XPR1: variants seen among roughly 807,000 people sequenced by gnomAD.
XPR1 encodes the protein solute carrier family 53 member 1.
A neutral mutation model predicts 87.5 loss-of-function variants in XPR1; 28 were observed. The observed-to-expected ratio is 0.32, with a 90% CI of 0.24 to 0.44. The LOEUF is 0.44. XPR1 is among the 20% of genes least tolerant of loss of function. The probability of loss-of-function intolerance (pLI) is 1.00; values close to 1 mark genes in which losing one functional copy is unlikely to be tolerated. For missense variants in XPR1, 559 were observed against 862.3 expected (o/e 0.65, Z 4.41); for synonymous variants, 300 against 306.1 (o/e 0.98, Z 0.21).
intron 11 of XPR1, among the ~76,000 whole-genome samples, chr1:180,855,915 G>A (rs1652013850): frequency 6.6e-6 from 1 of 152,098 alleles, no homozygotes; most frequent in Non-Finnish European, 1.5e-5. Flanking sequence ...CCTGTGCACT[G>A]CTCTCATTTC....
At chr1:180,681,754 G>A (rs1656584671) in intron 1 of XPR1, among the ~76,000 whole-genome samples, 2 of 152,046 alleles carry the variant, frequency 1.3e-5, no homozygotes, top group Admixed American at 6.5e-5. Context: ...TGCAACTTCC[G>A]CCTCCTGGGT....
chr1:180,749,410 T>C (rs757392691), intron 2 of XPR1, among the ~76,000 whole-genome samples: 3 of 152,164 alleles, frequency 2.0e-5, no homozygotes, highest in Non-Finnish European at 2.9e-5. Flanking sequence ...TTCACTTTCT[T>C]CTTTTTTTAA....
intron 7 of XPR1, among the ~76,000 whole-genome samples, chr1:180,822,497 T>G (rs752006236): frequency 6.6e-6 from 1 of 152,226 alleles, no homozygotes; most frequent in Non-Finnish European, 1.5e-5. Context: ...TCTGACTTTA[T>G]GCAGAACAGA....
chr1:180,779,715 G>A (rs1478567137), intron 2 of XPR1, among the ~76,000 whole-genome samples: 1 of 151,840 alleles, frequency 6.6e-6, no homozygotes, highest in Non-Finnish European at 1.5e-5. Context: ...AGGGGGAGAG[G>A]GAGAGGGAGA....
intron 2 of XPR1, among the ~76,000 whole-genome samples, chr1:180,733,102 C>G (rs779686913): frequency 3.9e-5 from 6 of 152,198 alleles, no homozygotes; most frequent in Non-Finnish European, 8.8e-5. Context: ...CTGATGTGCT[C>G]CTTTCTGTGT....
chr1:180,820,819 T>C (rs931630956), intron 7 of XPR1, among the ~76,000 whole-genome samples: 1 of 152,222 alleles, frequency 6.6e-6, no homozygotes, highest in Non-Finnish European at 1.5e-5. Context: ...TAATGACTAA[T>C]TATATTAAGC....
intron 2 of XPR1, among the ~76,000 whole-genome samples, chr1:180,736,801 T>G (rs904527237): frequency 6.6e-6 from 1 of 151,956 alleles, no homozygotes; most frequent in South Asian, 2.1e-4. Context: ...CAAAAAGAGA[T>G]GAGACATTAT....
intron 1 of XPR1, among the ~76,000 whole-genome samples, chr1:180,654,284 G>C (rs1217616003): frequency 6.6e-6 from 1 of 151,994 alleles, no homozygotes; most frequent in African/African-American, 2.4e-5. Context: ...AGTTGCTAGA[G>C]AGCAATAATC....
intron 2 of XPR1, among the ~76,000 whole-genome samples, chr1:180,775,072 G>T (rs910170293): frequency 3.9e-5 from 6 of 152,066 alleles, no homozygotes; most frequent in Non-Finnish European, 7.4e-5. Context: ...ACCTCTTAAA[G>T]CCCCACCTCT....
chr1:180,678,779 A>C (rs186681982), intron 1 of XPR1, among the ~76,000 whole-genome samples: 1 of 152,222 alleles, frequency 6.6e-6, no homozygotes, highest in Non-Finnish European at 1.5e-5. Context: ...TCCAAAGCAA[A>C]TAGTAAATTC....
rs918073175 is a variant in XPR1 at position 180,803,629 on chromosome 1, C to T, written c.447+18C>T. 1.3e-6 allele frequency: 2 copies of T among 1,592,832 alleles called. No homozygotes were observed. The highest frequency in any genetic ancestry group is 2.7e-5 in the African/African-American group (2 of 74,162). ...ACTATCAGGTACTTAGATTCTTACC[C>T]TAGAAAATGGCACCTTTAAGTAAAT... On this transcript the variant is annotated intron_variant, in intron 4 of 14. Coordinates refer to ENST00000367590, the MANE Select transcript of XPR1 (RefSeq NM_004736.4).
chr1:180,820,948 TC>T lies in XPR1; in HGVS notation c.764-3804del, dbSNP rs1650605361. ...TCCATTGTTAAGTTGTAAGAGTTCT[TC>T]ATGTGTTCTAGATACTAGACCCTTA... On this transcript the variant is annotated intron_variant, in intron 7 of 14. Coordinates refer to ENST00000367590, the MANE Select transcript of XPR1 (RefSeq NM_004736.4). 5.9e-5 allele frequency among the ~76,000 whole-genome samples: 9 copies of T among 152,276 alleles called. 1 individual carries two copies. In the South Asian group the frequency reaches 1.9e-3, roughly 32 times the overall value.
chr1:180,817,319 T>C (rs1650444750), intron 7 of XPR1, among the ~76,000 whole-genome samples: 1 of 152,122 alleles, frequency 6.6e-6, no homozygotes, highest in African/African-American at 2.4e-5. Context: ...TTTTATAAAT[T>C]CAGTGTAGCC....
chr1:180,743,513 C>G (rs950278816), intron 2 of XPR1, among the ~76,000 whole-genome samples: 4 of 152,028 alleles, frequency 2.6e-5, no homozygotes, highest in Non-Finnish European at 4.4e-5. Context: ...TTTCAGTTGA[C>G]AAAGATTTTA....
At chr1:180,746,471 G>A (rs1036875700) in intron 2 of XPR1, among the ~76,000 whole-genome samples, 5 of 152,096 alleles carry the variant, frequency 3.3e-5, no homozygotes, top group African/African-American at 1.2e-4. Flanking sequence ...TTATGGCTGA[G>A]TAGTATTCCA....
intron 1 of XPR1, among the ~76,000 whole-genome samples, chr1:180,634,078 A>G (rs755045887): frequency 2.8e-4 from 42 of 152,150 alleles, no homozygotes; most frequent in Admixed American, 1.8e-3. Context: ...TTAATTTGTA[A>G]TGTCAGTTTT....
chr1:180,659,113 TCCCTCCCTCCTTCCC>T (rs1407629649), intron 1 of XPR1, among the ~76,000 whole-genome samples: 5 of 118,738 alleles, frequency 4.2e-5, no homozygotes, highest in African/African-American at 1.5e-4. Flanking sequence ...CCTCCCTTCC[TCCCTCCCTCCTTCCC>T]TCCCTCCCTC....
chr1:180,696,194 GTGTGTGTGTGTGTGTATATATA>G (rs1207612688), intron 2 of XPR1, among the ~76,000 whole-genome samples: 1 of 112,864 alleles, frequency 8.9e-6, no homozygotes, highest in African/African-American at 4.1e-5. Flanking sequence ...GTGTGTGTGT[GTGTGTGTGTGTGTGTATATATA>G]TATATATATA....
intron 1 of XPR1, among the ~76,000 whole-genome samples, chr1:180,653,146 C>G (rs1334106928): frequency 6.6e-6 from 1 of 152,152 alleles, no homozygotes; most frequent in East Asian, 1.9e-4. Flanking sequence ...CTTTTATGAC[C>G]TAGCCTTGGA....
Sources: allele counts gnomAD v4.1 joint callset (sites outside exome capture counted in the v4.1 genomes callset), GRCh38; gene constraint gnomAD v4.1.1; transcripts MANE v1.5; gene names NCBI Gene and HGNC (gene_info 2026-07-23, HGNC 2026-07-21).